USH2A: variants seen among roughly 807,000 people sequenced by gnomAD.
USH2A encodes usherin, also known as Usher syndrome 2A (autosomal recessive, mild).
In USH2A, 443 loss-of-function variants were observed where a neutral mutation model predicts 538.9. The ratio of observed to expected loss-of-function variants is 0.82; its 90% CI spans 0.76 to 0.89. The LOEUF (loss-of-function observed/expected upper bound fraction) is 0.89. Among genes scored for constraint, USH2A ranks in the 40% least tolerant of loss-of-function variants. The probability of loss-of-function intolerance (pLI) is 0.00; values close to 1 mark genes in which losing one functional copy is unlikely to be tolerated. For synonymous variants in USH2A, 2,413 were observed against 2,273.5 expected (o/e 1.06, Z -1.75); for missense variants, 6,633 against 6,324.8 (o/e 1.05, Z -1.65).
chr1:216,113,542 C>A (rs1020734146), intron 21 of USH2A, among the ~76,000 whole-genome samples: 38 of 152,220 alleles, frequency 2.5e-4, no homozygotes, highest in African/African-American at 8.7e-4. Context: ...TTTGTATTTA[C>A]AAGATGAATA....
intron 21 of USH2A, among the ~76,000 whole-genome samples, chr1:216,164,389 A>G (rs960426774): frequency 5.3e-5 from 8 of 152,144 alleles, no homozygotes; most frequent in South Asian, 2.1e-4. Flanking sequence ...CTGACTTGAA[A>G]ACTATTGATA....
intron 32 of USH2A, among the ~76,000 whole-genome samples, chr1:216,019,945 A>G (rs915141588): frequency 6.6e-6 from 1 of 152,204 alleles, no homozygotes; most frequent in African/African-American, 2.4e-5. Flanking sequence ...AAAAGCTGGT[A>G]AAGTGTTTGA....
At chr1:215,774,104 A>G (rs543338727) in intron 55 of USH2A, among the ~76,000 whole-genome samples, 1 of 152,078 alleles carries the variant, frequency 6.6e-6, no homozygotes, top group Non-Finnish European at 1.5e-5. Context: ...TTCTGTATTC[A>G]TGCTTTATGA....
intron 61 of USH2A, among the ~76,000 whole-genome samples, chr1:215,688,711 C>A (rs1658509984): frequency 6.6e-6 from 1 of 152,062 alleles, no homozygotes; most frequent in South Asian, 2.1e-4. Context: ...GGTGTCTCTT[C>A]TTCTTATAAG....
chr1:215,918,603 C>T (rs991023027), intron 38 of USH2A, among the ~76,000 whole-genome samples: 9 of 152,074 alleles, frequency 5.9e-5, no homozygotes, highest in African/African-American at 2.2e-4. Context: ...GCCGCCTAAA[C>T]GGACAAGACA....
chr1:216,414,848 T>C (rs114986465), intron 3 of USH2A, among the ~76,000 whole-genome samples: 1 of 152,120 alleles, frequency 6.6e-6, no homozygotes, highest in Non-Finnish European at 1.5e-5. Flanking sequence ...AACAAGATTA[T>C]TAATCATTTG....
intron 41 of USH2A, among the ~76,000 whole-genome samples, chr1:215,887,001 G>A (rs1341515571): frequency 6.6e-6 from 1 of 152,048 alleles, no homozygotes; most frequent in African/African-American, 2.4e-5. Context: ...GGGACTATAG[G>A]TGCCCGCCAC....
chr1:216,047,541 A>ATATTAAGCTTATTAAGCT lies in USH2A; in HGVS notation c.6164-950_6164-949insAGCTTAATAAGCTTAATA, dbSNP rs1171400936. 2.9e-3 allele frequency among the ~76,000 whole-genome samples: 448 copies of ATATTAAGCTTATTAAGCT among 152,228 alleles called. 1 individual carries two copies. Among genetic ancestry groups the ATATTAAGCTTATTAAGCT allele is most frequent in the African/African-American group, 9.9e-3 (413 of 41,546 alleles). ...GATTGGTTTAGGTAAAAAATACAGCATATTAAGGGTCACAAGAAGGATTTT... is the reference window on the plus strand; with the variant it reads ...GATTGGTTTAGGTAAAAAATACAGCATATTAAGCTTATTAAGCTTATTAAGGGTCACAAGAAGGATTTT... On this transcript the variant is annotated intron_variant, in intron 31 of 71. Coordinates refer to ENST00000307340, the MANE Select transcript of USH2A (RefSeq NM_206933.4).
intron 3 of USH2A, among the ~76,000 whole-genome samples, chr1:216,383,773 C>A (rs1220430662): frequency 6.6e-6 from 1 of 152,128 alleles, no homozygotes; most frequent in Non-Finnish European, 1.5e-5. Flanking sequence ...CTCCCAGGCT[C>A]AGAAGATCTT....
chr1:216,035,169 A>G (rs1395893466), intron 32 of USH2A, among the ~76,000 whole-genome samples: 1 of 151,364 alleles, frequency 6.6e-6, no homozygotes, highest in Admixed American at 6.6e-5. Context: ...ACAGCACTAG[A>G]GTTACACGTT....
chr1:216,065,853 C>A (rs1017599111), intron 30 of USH2A, among the ~76,000 whole-genome samples: 2 of 151,964 alleles, frequency 1.3e-5, no homozygotes, highest in Non-Finnish European at 2.9e-5. Context: ...GCTGAGATTG[C>A]ACCACTGCAC....
chr1:215,685,956 C>T (rs553725951), intron 61 of USH2A, among the ~76,000 whole-genome samples: 98 of 152,152 alleles, frequency 6.4e-4, no homozygotes, highest in African/African-American at 2.3e-3. Context: ...AAAGGTAGAA[C>T]AAAATACCCT....
intron 38 of USH2A, among the ~76,000 whole-genome samples, chr1:215,925,904 T>C (rs189982694): frequency 6.6e-6 from 1 of 152,314 alleles, no homozygotes; most frequent in African/African-American, 2.4e-5. Flanking sequence ...CCATTAGTTT[T>C]ATTTTTAAAA....
intron 44 of USH2A, among the ~76,000 whole-genome samples, chr1:215,864,118 C>T (rs1664404471): frequency 6.6e-6 from 1 of 152,058 alleles, no homozygotes; most frequent in Non-Finnish European, 1.5e-5. Context: ...TCTTATTTTG[C>T]CTTCTATTTT....
intron 30 of USH2A, among the ~76,000 whole-genome samples, chr1:216,066,790 C>A (rs1178885703): frequency 2.0e-5 from 3 of 152,104 alleles, no homozygotes; most frequent in Admixed American, 6.5e-5. Flanking sequence ...TTTCAATATT[C>A]TTCTGAGGTA....
At chr1:215,974,873 C>T (rs1293748499) in intron 35 of USH2A, among the ~76,000 whole-genome samples, 1 of 152,150 alleles carries the variant, frequency 6.6e-6, no homozygotes, top group African/African-American at 2.4e-5. Context: ...GTTGCTGGGT[C>T]AAATGGTGGT....
At chr1:215,737,807 T>C (rs1159726472) in intron 60 of USH2A, among the ~76,000 whole-genome samples, 1 of 152,060 alleles carries the variant, frequency 6.6e-6, no homozygotes, top group Non-Finnish European at 1.5e-5. Flanking sequence ...TTCAATCAGC[T>C]TAATTATCCA....
chr1:215,767,815 G>C lies in USH2A; in HGVS notation c.10940-1027C>G, dbSNP rs537023839. Among the ~76,000 whole-genome samples, 5 of 152,210 alleles carry C rather than the reference G, an allele frequency of 3.3e-5. No individual in the cohort carries two copies. The East Asian group carries it at 9.6e-4, about 29-fold the overall frequency. ...TCATTCTAGCAGAAGCAACTTTAAA[G>C]CTCAGCAGCATTCAACAAGGAGGAT... is the stretch of plus-strand genomic sequence containing the variant. On this transcript the variant is annotated intron_variant, in intron 55 of 71. Transcript: ENST00000307340.
intron 14 of USH2A, among the ~76,000 whole-genome samples, chr1:216,230,584 T>G (rs1193648075): frequency 6.6e-6 from 1 of 152,196 alleles, no homozygotes; most frequent in Non-Finnish European, 1.5e-5. Flanking sequence ...TAGTTTAAGT[T>G]CTTTTTCAGT....
Sources: gnomAD v4.1 joint callset for allele counts (sites outside exome capture counted in the v4.1 genomes callset) on GRCh38, gnomAD v4.1.1 for gene constraint, MANE v1.5 for transcripts, NCBI Gene and HGNC (gene_info 2026-07-23, HGNC 2026-07-21) for gene names.